Variants in EPHB2 observed in about 807,000 individuals in gnomAD.
EPHB2 encodes EPH receptor B2, also known as ephrin type-B receptor 2.
A neutral mutation model predicts 96.4 loss-of-function variants in EPHB2; 18 were observed. The observed-to-expected ratio is 0.19, with a 90% CI of 0.13 to 0.28. The LOEUF is 0.28. EPHB2 is among the 10% of genes least tolerant of loss of function. EPHB2 has a pLI of 1.00. For synonymous variants in EPHB2, 506 were observed against 534.1 expected (o/e 0.95, Z 0.72); for missense variants, 989 against 1,355.4 (o/e 0.73, Z 4.25).
intron 3 of EPHB2, among the ~76,000 whole-genome samples, chr1:22,856,792 C>A (rs1182603726): frequency 6.6e-6 from 1 of 152,180 alleles, no homozygotes; most frequent in African/African-American, 2.4e-5. Flanking sequence ...GGCCTGCCAC[C>A]TGGAAAGTAC....
chr1:22,904,946 A>G (rs1049036460), intron 9 of EPHB2, among the ~76,000 whole-genome samples: 1 of 152,226 alleles, frequency 6.6e-6, no homozygotes, highest in African/African-American at 2.4e-5. Context: ...GCCAACTCCT[A>G]GAACTTCTGC....
At chr1:22,882,329 C>T in intron 5 of EPHB2, 30 bp from the exon 6 acceptor site, 1 of 1,612,352 alleles carries the variant, frequency 6.2e-7, no homozygotes, top group South Asian at 1.1e-5. Context: ...TCATGCCTCC[C>T]TGATCCCTGA....
intron 1 of EPHB2, among the ~76,000 whole-genome samples, chr1:22,778,915 G>A (rs1166347287): frequency 6.6e-6 from 1 of 152,194 alleles, no homozygotes; most frequent in East Asian, 1.9e-4. Context: ...CTCCTTCTCT[G>A]GGCCATGGAA....
intron 1 of EPHB2, among the ~76,000 whole-genome samples, chr1:22,767,485 A>C (rs1386592486): frequency 6.6e-6 from 1 of 152,192 alleles, no homozygotes; most frequent in Non-Finnish European, 1.5e-5. Context: ...TGGTTTACTT[A>C]TCTGCAAAAT....
chr1:22,858,539 C>T lies in EPHB2; in HGVS notation c.812-4498C>T, dbSNP rs966920447. ...GGGAGGAGGCCTTCCCAAGCCCACACGCCCGTCAGAGGTACAACTGCCTTC... is the reference window on the plus strand; with the variant it reads ...GGGAGGAGGCCTTCCCAAGCCCACATGCCCGTCAGAGGTACAACTGCCTTC... On this transcript the variant is annotated intron_variant, in intron 3 of 15. Coordinates refer to ENST00000374630, the MANE Select transcript of EPHB2 (RefSeq NM_017449.5). This position sits in a 1 kb window ranked among gnomAD's most constrained non-coding sequence, Gnocchi z 7.7. Among the ~76,000 whole-genome samples the T allele has an allele frequency of 3.3e-5, 5 of 152,204 alleles. No individual in the cohort carries two copies. The highest frequency in any genetic ancestry group is 9.6e-5 in the African/African-American group (4 of 41,452).
rs1305469425 is a variant in EPHB2, at chr1:22,888,050, T to G, written c.1429-4834T>G. On this transcript the variant is annotated intron_variant, in intron 6 of 15. Coordinates refer to ENST00000374630, the MANE Select transcript of EPHB2 (RefSeq NM_017449.5). The stretch of plus-strand genomic sequence containing the variant: ...TTGTTTGTTTGTTTTTTGGGGGTTT[T>G]TTTTGTGTGTGTGACAACAGAGTTT... Among the ~76,000 whole-genome samples the G allele has an allele frequency of 2.6e-5, 4 of 152,146 alleles. No individual in the cohort carries two copies. The East Asian group carries it at 7.7e-4, about 29-fold the overall frequency.
Position 22,800,728 on chromosome 1 carries a change from G to A in EPHB2, c.811+15652G>A, listed in dbSNP as rs150888899. Among the ~76,000 whole-genome samples the A allele has an allele frequency of 6.3e-3, 923 of 147,044 alleles. 8 individuals carry two copies. The highest frequency in any genetic ancestry group is 0.025 in the Middle Eastern group (7 of 284). On this transcript the variant is annotated intron_variant, in intron 3 of 15. Coordinates refer to ENST00000374630, the MANE Select transcript of EPHB2 (RefSeq NM_017449.5). Reference sequence around the variant, plus strand: ...TGTGTGTGTGTGTGTGTGTGTGCACGCACATGGCTGGATCAATTTGTGGAG... The same window carrying A: ...TGTGTGTGTGTGTGTGTGTGTGCACACACATGGCTGGATCAATTTGTGGAG...
chr1:22,863,136 T>C lies in EPHB2; in HGVS notation c.911T>C (p.Val304Ala). The change falls in exon 4 of 16, where the codon GTC becomes GCC. Residue 304 changes from valine to alanine, a missense_variant. Val to Ala is a moderately conservative substitution (Grantham distance 64, BLOSUM62 0). Coordinates refer to ENST00000374630, the MANE Select transcript of EPHB2 (RefSeq NM_017449.5). ...RTTSEGATNC[V>A]CRNGYYRADL... ...ACTTCTGAAGGGGCCACCAACTGTG[T>C]CTGCCGCAATGGCTACTACAGAGCA... is the stretch of plus-strand genomic sequence containing the variant. 1 of 1,614,210 alleles carries C rather than the reference T, an allele frequency of 6.2e-7. No homozygotes were observed.
intron 6 of EPHB2, 182 bp from the exon 7 acceptor site, chr1:22,892,702 G>A: frequency 1.2e-6 from 1 of 808,344 alleles, no homozygotes; most frequent in East Asian, 2.4e-5. Flanking sequence ...ACCTTTGTGG[G>A]CAGTGTTGAA....
chr1:22,788,387 T>G (rs1644641619), intron 3 of EPHB2, among the ~76,000 whole-genome samples: 1 of 152,158 alleles, frequency 6.6e-6, no homozygotes, highest in Non-Finnish European at 1.5e-5. Context: ...TGGGGTCCAG[T>G]CAGGGTGTGA....
rs376515026 is a variant in EPHB2, at chr1:22,909,094, G to A, written c.2425G>A (p.Val809Met). ...CCGGAAGTTCACCTCGGCCAGTGAT[G>A]TGTGGAGCTACGGCATTGTCATGTG... ...QYRKFTSASD[V>M]WSYGIVMWEV... Residue 809 changes from valine (V) to methionine (M), a missense_variant, in exon 13 of 16, where the codon GTG (valine) becomes ATG (methionine). Transcript: ENST00000374630. 2 of 1,614,224 alleles carry A rather than the reference G, an allele frequency of 1.2e-6. No individual in the cohort carries two copies. Among genetic ancestry groups the A allele is most frequent in the Non-Finnish European group, 1.7e-6 (2 of 1,180,034 alleles).
Position 22,784,373 on chromosome 1 carries a change from A to G in EPHB2, c.127-19A>G. 1 of 1,613,396 alleles carries G rather than the reference A, an allele frequency of 6.2e-7. No individual in the cohort carries two copies. The highest frequency in any genetic ancestry group is 8.5e-7 in the Non-Finnish European group (1 of 1,179,588). ...GGCTGAGCCCTTACCTCCCCACCTG[A>G]CGAGCATTTTACCCACAGTGGGAAG... On this transcript the variant is annotated intron_variant, in intron 2 of 15. Transcript: ENST00000374630. This position sits in a 1 kb window ranked among gnomAD's most constrained non-coding sequence, Gnocchi z 5.1.
intron 3 of EPHB2, among the ~76,000 whole-genome samples, chr1:22,824,608 G>A (rs1036787980): frequency 2.0e-5 from 3 of 152,222 alleles, no homozygotes; most frequent in African/African-American, 7.2e-5. Flanking sequence ...TTGGGCAGCC[G>A]CCCCTGTTTA....
chr1:22,864,345 GTTCT>G lies in EPHB2; in HGVS notation c.968-530_968-527del, dbSNP rs1424456718. On this transcript the variant is annotated intron_variant, in intron 4 of 15. Coordinates refer to ENST00000374630, the MANE Select transcript of EPHB2 (RefSeq NM_017449.5). The stretch of plus-strand genomic sequence containing the variant: ...ACAGGTGTTAGCCACTGTTGTTTCT[GTTCT>G]TAACGTCACTTCATAGTCCAGCATA... Among the ~76,000 whole-genome samples, 4 of 151,618 alleles carry G rather than the reference GTTCT, an allele frequency of 2.6e-5. No individual in the cohort carries two copies. In the East Asian group the frequency reaches 5.8e-4, roughly 22 times the overall value.
chr1:22,735,186 AG>A (rs1016768292), intron 1 of EPHB2, among the ~76,000 whole-genome samples: 1 of 151,336 alleles, frequency 6.6e-6, no homozygotes, highest in Non-Finnish European at 1.5e-5. Context: ...ACACTTTGGG[AG>A]GGTGAGGCAG....
At chr1:22,837,703 C>T (rs1645404918) in intron 3 of EPHB2, among the ~76,000 whole-genome samples, 1 of 152,218 alleles carries the variant, frequency 6.6e-6, no homozygotes, top group Non-Finnish European at 1.5e-5. Context: ...TTCAGCTTCT[C>T]ACCTTGGCCT....
At chr1:22,766,404 AC>A (rs1644308185) in intron 1 of EPHB2, among the ~76,000 whole-genome samples, 1 of 151,930 alleles carries the variant, frequency 6.6e-6, no homozygotes, top group African/African-American at 2.4e-5. Flanking sequence ...CGCTCATCCC[AC>A]CCCACTCCAG....
Position 22,907,941 on chromosome 1 carries a change from C to T in EPHB2, c.2137-12C>T. 2 of 1,614,140 alleles carry T rather than the reference C, an allele frequency of 1.2e-6. No homozygotes were observed. The highest frequency in any genetic ancestry group is 1.1e-5 in the South Asian group (1 of 91,084). On this transcript the variant is annotated splice_polypyrimidine_tract_variant and intron_variant, in intron 11 of 15. Transcript: ENST00000374630. The stretch of plus-strand genomic sequence containing the variant: ...TTCTGTTTACTCTGTGTTTTCCCCA[C>T]TTCTCCCAAAGCAAAACGATGGGCA...
intron 12 of EPHB2, 22 bp downstream of exon 12, chr1:22,908,190 C>G: frequency 6.2e-7 from 1 of 1,613,702 alleles, no homozygotes; most frequent in Non-Finnish European, 8.5e-7. Context: ...GCAGGGAACA[C>G]CGGAGTCACA....
Sources: allele counts gnomAD v4.1 joint callset (sites outside exome capture counted in the v4.1 genomes callset), GRCh38; gene constraint gnomAD v4.1.1; non-coding constraint Gnocchi (gnomAD v3.1); transcripts MANE v1.5; gene names NCBI Gene and HGNC (gene_info 2026-07-23, HGNC 2026-07-21).